The following CTNNA2 variants were observed in gnomAD, a reference collection of about 807,000 sequenced individuals.
CTNNA2 encodes catenin alpha-2.
A neutral mutation model predicts 101.0 loss-of-function variants in CTNNA2; 42 were observed. The ratio of observed to expected loss-of-function variants is 0.42; its 90% CI spans 0.32 to 0.54. The LOEUF (loss-of-function observed/expected upper bound fraction) is 0.54, where lower values mean the gene tolerates loss of function less well. Ranked by LOEUF, CTNNA2 falls within the 20% of genes least tolerant of loss-of-function variation. The pLI is 0.14. For synonymous variants in CTNNA2, 450 were observed against 456.4 expected (o/e 0.99, Z 0.18); for missense variants, 871 against 1,223.1 (o/e 0.71, Z 4.29).
intron 1 of CTNNA2, among the ~76,000 whole-genome samples, chr2:79,516,703 T>TG (rs1177140656): frequency 6.6e-6 from 1 of 152,140 alleles, no homozygotes; most frequent in Admixed American, 6.6e-5. Context: ...TCCTGAGACA[T>TG]GGAATCCATG....
intron 1 of CTNNA2, among the ~76,000 whole-genome samples, chr2:79,578,314 A>T (rs1358337985): frequency 6.6e-5 from 10 of 152,072 alleles, no homozygotes; most frequent in South Asian, 4.1e-4. Context: ...AGGTTCGAAT[A>T]TTTCCTCCCA....
chr2:80,089,219 A>G (rs1699632047), intron 7 of CTNNA2, among the ~76,000 whole-genome samples: 1 of 152,016 alleles, frequency 6.6e-6, no homozygotes, highest in African/African-American at 2.4e-5. Context: ...GCCAGTTTTT[A>G]AAATGGAATC....
At chr2:79,927,073 G>C (rs1022818390) in intron 7 of CTNNA2, among the ~76,000 whole-genome samples, 1 of 152,092 alleles carries the variant, frequency 6.6e-6, no homozygotes, top group African/African-American at 2.4e-5. Context: ...TTTGTTATAG[G>C]AATGTGTATG....
chr2:79,308,459 T>A (rs1169706794), intron 2 of CTNNA2, among the ~76,000 whole-genome samples: 1 of 152,250 alleles, frequency 6.6e-6, no homozygotes. Flanking sequence ...AGATTGTCTT[T>A]TCACTCTGTG....
At chr2:80,165,503 T>C (rs1704622848) in intron 7 of CTNNA2, among the ~76,000 whole-genome samples, 2 of 152,176 alleles carry the variant, frequency 1.3e-5, no homozygotes, top group Admixed American at 6.6e-5. Flanking sequence ...TTGTTTCAAG[T>C]GTGTTAGTAA....
chr2:80,118,214 T>G (rs1181461513), intron 7 of CTNNA2, among the ~76,000 whole-genome samples: 2 of 152,224 alleles, frequency 1.3e-5, no homozygotes, highest in African/African-American at 4.8e-5. Context: ...ACCTGAACAT[T>G]TTTTGTAAAA....
At chr2:80,085,115 A>G (rs1418813026) in intron 7 of CTNNA2, among the ~76,000 whole-genome samples, 1 of 152,114 alleles carries the variant, frequency 6.6e-6, no homozygotes, top group Non-Finnish European at 1.5e-5. Context: ...GAATAGGCCA[A>G]GTTAAGGTGA....
intron 1 of CTNNA2, among the ~76,000 whole-genome samples, chr2:79,582,265 T>C (rs1676193980): frequency 1.3e-5 from 2 of 152,246 alleles, no homozygotes; most frequent in African/African-American, 2.4e-5. Context: ...AGGTAAATAC[T>C]CAGTAAATGT....
chr2:79,952,466 A>G (rs567662488), intron 7 of CTNNA2, among the ~76,000 whole-genome samples: 63 of 152,340 alleles, frequency 4.1e-4, no homozygotes, highest in East Asian at 3.3e-3. Context: ...TGACTATTTA[A>G]AAACCACTGA....
At chr2:80,596,341 G>A (rs868407845) in intron 15 of CTNNA2, among the ~76,000 whole-genome samples, 15 of 96,996 alleles carry the variant, frequency 1.5e-4, no homozygotes, top group African/African-American at 5.4e-4. Context: ...ACGGAGTCTC[G>A]CTCTGTTGCC....
intron 6 of CTNNA2, among the ~76,000 whole-genome samples, chr2:79,877,599 A>G (rs951581367): frequency 6.6e-6 from 1 of 152,202 alleles, no homozygotes; most frequent in Non-Finnish European, 1.5e-5. Flanking sequence ...GACATCTGTC[A>G]TGAGTCCTAA....
intron 9 of CTNNA2, among the ~76,000 whole-genome samples, chr2:80,490,288 C>CCCG (rs1553535578): frequency 0.013 from 1,269 of 97,796 alleles, 16 homozygotes; most frequent in Middle Eastern, 0.04. Flanking sequence ...CCACCCCCCC[C>CCCG]CCGGTAAAGC....
chr2:79,255,084 C>G (rs1674826823), intron 2 of CTNNA2, among the ~76,000 whole-genome samples: 1 of 152,132 alleles, frequency 6.6e-6, no homozygotes, highest in African/African-American at 2.4e-5. Flanking sequence ...TAATGTGTAA[C>G]CGGTTTGGGA....
intron 4 of CTNNA2, among the ~76,000 whole-genome samples, chr2:79,475,408 AT>A (rs936927719): frequency 1.3e-5 from 2 of 151,368 alleles, no homozygotes; most frequent in Non-Finnish European, 3.0e-5. Context: ...AATTATTCTT[AT>A]TTTTTTTTCC....
intron 1 of CTNNA2, among the ~76,000 whole-genome samples, chr2:79,623,606 G>C (rs896377644): frequency 1.3e-5 from 2 of 152,108 alleles, no homozygotes; most frequent in Admixed American, 1.3e-4. Flanking sequence ...GTGCTTTCCG[G>C]ATTCCAAATG....
At chr2:79,649,302 T>C (rs1204000527) in intron 1 of CTNNA2, 2 of 154,784 alleles carry the variant, frequency 1.3e-5, no homozygotes, top group Non-Finnish European at 2.9e-5. Context: ...CTCTATGCAG[T>C]CTTACCCAGT....
At chr2:80,280,829 T>C (rs1439082392) in intron 7 of CTNNA2, among the ~76,000 whole-genome samples, 1 of 152,082 alleles carries the variant, frequency 6.6e-6, no homozygotes, top group African/African-American at 2.4e-5. Flanking sequence ...GCTCCCTGCC[T>C]GTTATTGTAT....
intron 4 of CTNNA2, among the ~76,000 whole-genome samples, chr2:79,488,149 G>A (rs1250006635): frequency 2.6e-5 from 4 of 151,850 alleles, no homozygotes; most frequent in South Asian, 2.1e-4. Context: ...AGAAACCCCC[G>A]TCTCTACTAA....
intron 1 of CTNNA2, among the ~76,000 whole-genome samples, chr2:79,579,345 C>G (rs759987621): frequency 1.9e-4 from 29 of 151,634 alleles, no homozygotes; most frequent in Non-Finnish European, 3.4e-4. Flanking sequence ...CTGGATCCCC[C>G]CTGTGGCCCT....
Sources: gnomAD v4.1 joint callset for allele counts (sites outside exome capture counted in the v4.1 genomes callset) on GRCh38, gnomAD v4.1.1 for gene constraint, MANE v1.5 for transcripts, NCBI Gene and HGNC (gene_info 2026-07-23, HGNC 2026-07-21) for gene names.